The following PDE4B variants were observed in gnomAD, a reference collection of about 807,000 sequenced individuals.
PDE4B encodes phosphodiesterase 4B, also known as 3',5'-cyclic-AMP phosphodiesterase 4B.
A neutral mutation model predicts 82.2 loss-of-function variants in PDE4B; 20 were observed. That is an observed-to-expected ratio of 0.24 (90% CI 0.17 to 0.35). The LOEUF (loss-of-function observed/expected upper bound fraction) is 0.35, where lower values mean the gene tolerates loss of function less well. Among genes scored for constraint, PDE4B ranks in the 10% least tolerant of loss-of-function variants. The pLI is 1.00. For synonymous variants in PDE4B, 320 were observed against 318.9 expected (o/e 1.00, Z -0.04); for missense variants, 655 against 907.2 (o/e 0.72, Z 3.57).
At chr1:66,084,035 C>T (rs1258528617) in intron 3 of PDE4B, among the ~76,000 whole-genome samples, 1 of 152,100 alleles carries the variant, frequency 6.6e-6, no homozygotes, top group African/African-American at 2.4e-5. Flanking sequence ...TCATCCTCAG[C>T]CATTGAGTTA....
chr1:66,198,323 C>A (rs114864288), intron 3 of PDE4B, among the ~76,000 whole-genome samples: 3,855 of 152,102 alleles, frequency 0.025, 68 homozygotes, highest in Middle Eastern at 0.095. Flanking sequence ...ATGTGCACAG[C>A]TACTTTTTAA....
At chr1:65,932,539 A>T (rs1647896312) in intron 3 of PDE4B, among the ~76,000 whole-genome samples, 1 of 152,096 alleles carries the variant, frequency 6.6e-6, no homozygotes, top group South Asian at 2.1e-4. Context: ...CTAATATACC[A>T]ACCCTACACA....
chr1:66,252,976 CGTTAA>C (rs1374634307), intron 4 of PDE4B, among the ~76,000 whole-genome samples: 2 of 151,974 alleles, frequency 1.3e-5, no homozygotes, highest in African/African-American at 4.8e-5. Context: ...GTAAAATAAT[CGTTAA>C]GTTGAGGACC....
At chr1:66,006,506 G>T (rs1652159040) in intron 3 of PDE4B, among the ~76,000 whole-genome samples, 1 of 152,148 alleles carries the variant, frequency 6.6e-6, no homozygotes, top group Non-Finnish European at 1.5e-5. Flanking sequence ...AACCACTTGG[G>T]AGGCTGAGGC....
At chr1:66,142,678 A>G (rs1033622352) in intron 3 of PDE4B, among the ~76,000 whole-genome samples, 4 of 152,214 alleles carry the variant, frequency 2.6e-5, no homozygotes, top group African/African-American at 9.6e-5. Flanking sequence ...TGTGTTACAT[A>G]CAGAGCATTT....
intron 7 of PDE4B, among the ~76,000 whole-genome samples, chr1:66,280,633 A>C (rs1431705354): frequency 6.6e-6 from 1 of 152,144 alleles, no homozygotes; most frequent in Non-Finnish European, 1.5e-5. Context: ...TCCTTCTCAC[A>C]CCTGGATATT....
rs147045433 is a variant in PDE4B, at chr1:65,794,045, A to ATG, written c.-71+811_-71+812dup. Among the ~76,000 whole-genome samples, 10 of 151,854 alleles carry ATG rather than the reference A, an allele frequency of 6.6e-5. No homozygotes were observed. The East Asian group carries it at 7.8e-4, about 12-fold the overall frequency. ...TCGCTCTTAATTACAGTAGTTATAT[A>ATG]TGTGTGTGTGTGTGTCTGTGTGTGT... On this transcript the variant is annotated intron_variant, in intron 1 of 16. Transcript: ENST00000341517.
At chr1:66,367,151 T>G (rs973841411) in intron 13 of PDE4B, among the ~76,000 whole-genome samples, 24 of 152,282 alleles carry the variant, frequency 1.6e-4, no homozygotes, top group African/African-American at 4.8e-4. Context: ...CAAAAAGTAG[T>G]AATGTTTAGT....
At chr1:66,222,883 T>C (rs1355311113) in intron 3 of PDE4B, among the ~76,000 whole-genome samples, 1 of 152,110 alleles carries the variant, frequency 6.6e-6, no homozygotes, top group Non-Finnish European at 1.5e-5. Flanking sequence ...AAAAGAAAAA[T>C]TGGCATCTTA....
At chr1:66,215,138 A>C (rs1416213561) in intron 3 of PDE4B, among the ~76,000 whole-genome samples, 1 of 152,158 alleles carries the variant, frequency 6.6e-6, no homozygotes, top group Non-Finnish European at 1.5e-5. Flanking sequence ...TCAGCACAGG[A>C]AGTACAAAAA....
Position 65,794,567 on chromosome 1 carries a change from C to G in PDE4B, c.-71+1319C>G, listed in dbSNP as rs79858893. Among the ~76,000 whole-genome samples the G allele has an allele frequency of 3.1e-3, 472 of 152,278 alleles. No individual in the cohort carries two copies. The Middle Eastern group carries it at 0.034, about 11-fold the overall frequency. On this transcript the variant is annotated intron_variant, in intron 1 of 16. Coordinates refer to ENST00000341517, the MANE Select transcript of PDE4B (RefSeq NM_002600.4). ...GTAAAGGAAGTTGAGCTTCTTCTCT[C>G]TCAGGATACCTCATTTCTTGGTATC...
intron 3 of PDE4B, among the ~76,000 whole-genome samples, chr1:66,235,198 G>A (rs1018768942): frequency 4.6e-5 from 7 of 152,066 alleles, no homozygotes; most frequent in African/African-American, 9.7e-5. Context: ...GACGTTTCAC[G>A]TGCACTTGAA....
intron 1 of PDE4B, among the ~76,000 whole-genome samples, chr1:65,896,280 A>C (rs1483354228): frequency 6.6e-6 from 1 of 152,190 alleles, no homozygotes; most frequent in Non-Finnish European, 1.5e-5. Context: ...GGCAGCAGGC[A>C]AGAGAGCTTG....
intron 1 of PDE4B, among the ~76,000 whole-genome samples, chr1:65,850,659 TTGTGTGTATA>T (rs1190873158): frequency 6.6e-6 from 1 of 152,014 alleles, no homozygotes; most frequent in Non-Finnish European, 1.5e-5. Flanking sequence ...TTGTGTGTAT[TTGTGTGTATA>T]TGTGTGTTTG....
intron 3 of PDE4B, among the ~76,000 whole-genome samples, chr1:65,959,630 C>T (rs550490648): frequency 4.7e-4 from 72 of 151,962 alleles, no homozygotes; most frequent in African/African-American, 1.6e-3. Context: ...ATAACATCAT[C>T]CTGTAAAGTA....
intron 3 of PDE4B, among the ~76,000 whole-genome samples, chr1:66,110,641 G>A (rs774595036): frequency 5.8e-4 from 88 of 152,108 alleles, no homozygotes; most frequent in Middle Eastern, 6.8e-3. Context: ...ATAACAGCTG[G>A]GTAAACTTGG....
At chr1:65,855,658 C>T (rs1646383898) in intron 1 of PDE4B, among the ~76,000 whole-genome samples, 1 of 152,166 alleles carries the variant, frequency 6.6e-6, no homozygotes, top group Non-Finnish European at 1.5e-5. Context: ...TCAGTGGATT[C>T]AAGAAGATTT....
At chr1:66,205,532 A>G (rs1007299612) in intron 3 of PDE4B, among the ~76,000 whole-genome samples, 2 of 152,234 alleles carry the variant, frequency 1.3e-5, no homozygotes, top group Non-Finnish European at 2.9e-5. Flanking sequence ...ATAACTACAA[A>G]GTAACAGCAG....
chr1:66,252,260 T>C (rs1417399393), intron 4 of PDE4B, among the ~76,000 whole-genome samples: 1 of 152,184 alleles, frequency 6.6e-6, no homozygotes, highest in Non-Finnish European at 1.5e-5. Context: ...ACTGTAAATA[T>C]AACATAAATA....
Sources: gnomAD v4.1 joint callset for allele counts (sites outside exome capture counted in the v4.1 genomes callset) on GRCh38, gnomAD v4.1.1 for gene constraint, MANE v1.5 for transcripts, NCBI Gene and HGNC (gene_info 2026-07-23, HGNC 2026-07-21) for gene names.